The following INTS8 variants were observed in gnomAD, a reference collection of about 807,000 sequenced individuals.
The protein encoded by INTS8 is protein kaonashi-1.
In INTS8, 47 loss-of-function variants were observed where a neutral mutation model predicts 138.9. The observed-to-expected ratio is 0.34, with a 90% CI of 0.27 to 0.43. The LOEUF (loss-of-function observed/expected upper bound fraction) is 0.43, where lower values mean the gene tolerates loss of function less well. INTS8 is among the 20% of genes least tolerant of loss of function. INTS8 has a pLI of 1.00. For missense variants in INTS8, 996 were observed against 1,173.0 expected (o/e 0.85, Z 2.20); for synonymous variants, 392 against 400.9 (o/e 0.98, Z 0.27).
rs1038924226 is a variant in INTS8 at position 94,838,552 on chromosome 8, T to C, written c.951T>C (p.Asp317=). The C allele has an allele frequency of 3.1e-6, 5 of 1,611,232 alleles. No homozygotes were observed. The highest frequency in any genetic ancestry group is 4.2e-6 in the Non-Finnish European group (5 of 1,177,412). ...QACDVLVPSS[D]STSQQLTPYS... ...GTGATGTTCTTGTACCTTCTTCTGA[T>C]AGTACATCTCAACAGTTGACTCCAT... The change falls in exon 8 of 27, where the codon GAT becomes GAC. Residue 317 remains aspartate, a synonymous_variant. Coordinates refer to ENST00000523731, the MANE Select transcript of INTS8 (RefSeq NM_017864.4).
At chr8:94,853,972 G>A (rs1157690120) in intron 14 of INTS8, 57 bp downstream of exon 14, 10 of 1,088,774 alleles carry the variant, frequency 9.2e-6, no homozygotes, top group African/African-American at 4.6e-5. Context: ...GTCAGGTGCC[G>A]TGGCTCATAC....
At position 94,838,495 on chromosome 8, in the gene INTS8, T is replaced by C. The variant is rs770533677; in HGVS notation, c.894T>C (p.Asp298=). 6.2e-6 allele frequency: 10 copies of C among 1,613,168 alleles called. No individual in the cohort carries two copies. In the Admixed American group the frequency reaches 1.5e-4, roughly 24 times the overall value. ...IGSLSLHCTI[D]EKRLAGYCQA... Reference sequence around the variant, plus strand: ...CATTATCTCTTCATTGTACCATAGATGAGAAGCGGTTAGCTGGCTATTGTC... The same window carrying C: ...CATTATCTCTTCATTGTACCATAGACGAGAAGCGGTTAGCTGGCTATTGTC... Residue 298 remains aspartate, a synonymous_variant, in exon 8 of 27, where the codon GAT becomes GAC. Transcript: ENST00000523731.
chr8:94,865,806 T>TA, intron 17 of INTS8, 116 bp downstream of exon 17: 1 of 989,012 alleles, frequency 1.0e-6, no homozygotes, highest in South Asian at 1.7e-5. Context: ...CTGTATATCA[T>TA]AAAGTTGGAC....
chr8:94,842,317 CATT>C, intron 9 of INTS8, 27 bp from the exon 10 acceptor site: 1 of 1,443,544 alleles, frequency 6.9e-7, no homozygotes, highest in Non-Finnish European at 9.5e-7. Flanking sequence ...GTAAAAATAA[CATT>C]AGTTGATCTA....
intron 26 of INTS8, 51 bp downstream of exon 26, chr8:94,876,540 C>T (rs747709715): frequency 2.5e-6 from 3 of 1,199,184 alleles, no homozygotes; most frequent in Non-Finnish European, 3.6e-6. Flanking sequence ...GAATATTAAA[C>T]AATTGTTAAG....
chr8:94,874,007 T>C (rs1030097653), intron 22 of INTS8, among the ~76,000 whole-genome samples: 2 of 152,164 alleles, frequency 1.3e-5, no homozygotes, highest in Admixed American at 6.5e-5. Context: ...AGTGAGATGA[T>C]TACTACAGTC....
chr8:94,870,603 A>C (rs1291641282), intron 20 of INTS8, among the ~76,000 whole-genome samples: 1 of 152,212 alleles, frequency 6.6e-6, no homozygotes, highest in Non-Finnish European at 1.5e-5. Context: ...TACACTTGTA[A>C]CATTTTGTAA....
intron 16 of INTS8, among the ~76,000 whole-genome samples, chr8:94,861,778 C>G (rs186996106): frequency 6.6e-6 from 1 of 151,128 alleles, no homozygotes; most frequent in African/African-American, 2.4e-5. Context: ...TCTGAACTCC[C>G]GACCTCAGGT....
chr8:94,866,980 A>G (rs1260367129), intron 18 of INTS8, 160 bp from the exon 19 acceptor site: 2 of 577,820 alleles, frequency 3.5e-6, no homozygotes, highest in Admixed American at 7.1e-5. Context: ...ATGCGATTAA[A>G]AAGTTGATTT....
At position 94,853,948 on chromosome 8, in the gene INTS8, G is replaced by C. The variant is rs770038871; in HGVS notation, c.1752+33G>C. On this transcript the variant is annotated intron_variant, in intron 14 of 26. Transcript: ENST00000523731. ...AAAGTGTGTATCAAACACTTGTTAA[G>C]AATATGCTTTATGGTCAGGTGCCGT... The C allele has an allele frequency of 6.2e-6, 8 of 1,293,210 alleles. No individual in the cohort carries two copies. The African/African-American group carries it at 1.2e-4, about 19-fold the overall frequency. 80.1% of individuals were successfully genotyped at this position (1,293,210 alleles called of 1,614,324 possible). A position where few individuals can be genotyped will look rare whatever the true frequency, so the allele number is the denominator to read the frequency against.
intron 16 of INTS8, among the ~76,000 whole-genome samples, chr8:94,861,256 ATTTTTTTTTTTT>A (rs1210530804): frequency 1.7e-5 from 1 of 57,376 alleles, no homozygotes; most frequent in Middle Eastern, 0.024. Context: ...CCTTTTTGTA[ATTTTTTTTTTTT>A]TTTTTTTTTT....
chr8:94,870,057 A>G (rs186722351), intron 20 of INTS8, among the ~76,000 whole-genome samples: 2 of 147,432 alleles, frequency 1.4e-5, no homozygotes, highest in East Asian at 4.0e-4. Context: ...TTATTTATTT[A>G]TTTTTTTTTT....
At position 94,838,479 on chromosome 8, in the gene INTS8, T is replaced by C; in HGVS notation, c.878T>C (p.Leu293Pro). 6.2e-7 allele frequency: 1 copy of C among 1,612,938 alleles called. No homozygotes were observed. The highest frequency in any genetic ancestry group is 8.5e-7 in the Non-Finnish European group (1 of 1,178,946). ...ELIAEIGSLSLHCTIDEKRLA... is the reference protein window; with the variant it reads ...ELIAEIGSLSPHCTIDEKRLA... ...ACTTTACAGATAGGTTCATTATCTC[T>C]TCATTGTACCATAGATGAGAAGCGG... Residue 293 changes from leucine (L) to proline (P), a missense_variant, in exon 8 of 27, where the codon CTT becomes CCT. By Grantham distance (98) the Leu-to-Pro change is moderately conservative (BLOSUM62 -3). Transcript: ENST00000523731.
chr8:94,843,524 G>T (rs1050378785), intron 10 of INTS8, among the ~76,000 whole-genome samples: 1 of 151,746 alleles, frequency 6.6e-6, no homozygotes, highest in South Asian at 2.1e-4. Context: ...TGGAGATTAC[G>T]CCACTGCACT....
At chr8:94,837,622 C>T (rs998346039) in intron 7 of INTS8, among the ~76,000 whole-genome samples, 1 of 151,658 alleles carries the variant, frequency 6.6e-6, no homozygotes, top group Admixed American at 6.6e-5. Flanking sequence ...GATGATTATG[C>T]TCTTTGCTCG....
At chr8:94,860,304 G>A (rs536725457) in intron 16 of INTS8, 11 of 151,198 alleles carry the variant, frequency 7.3e-5, no homozygotes, top group African/African-American at 2.7e-4. Context: ...AAAGTAGGCT[G>A]GGCGTGGTGG....
intron 10 of INTS8, among the ~76,000 whole-genome samples, chr8:94,844,038 T>TC (rs1815238719): frequency 1.3e-5 from 2 of 150,944 alleles, no homozygotes; most frequent in African/African-American, 2.4e-5. Flanking sequence ...TTTTTTTTTT[T>TC]ATTTTTTTAT....
chr8:94,869,024 C>T (rs1374084535), intron 20 of INTS8, among the ~76,000 whole-genome samples: 8 of 149,034 alleles, frequency 5.4e-5, no homozygotes, highest in Non-Finnish European at 1.2e-4. Context: ...CTTTTGTTGC[C>T]CAGGCTGGAG....
rs200057575 is a variant in INTS8, at chr8:94,865,530, T to C, written c.2101T>C (p.Cys701Arg). The C allele has an allele frequency of 2.2e-5, 35 of 1,613,894 alleles. No individual in the cohort carries two copies. The highest frequency in any genetic ancestry group is 2.2e-5 in the East Asian group (1 of 44,878). ...GCTTGGACAGCTTTTAGCAGCTACA[T>C]GCAAAGAACTTCCAGGCCCTAAAGA... Reference protein sequence around the residue: ...VKLGQLLAATCKELPGPKESR... With the variant: ...VKLGQLLAATRKELPGPKESR... The change falls in exon 17 of 27, where the codon TGC becomes CGC. Residue 701 changes from cysteine to arginine, a missense_variant. Coordinates refer to ENST00000523731, the MANE Select transcript of INTS8 (RefSeq NM_017864.4).
Sources: gnomAD v4.1 joint callset for allele counts (sites outside exome capture counted in the v4.1 genomes callset) on GRCh38, gnomAD v4.1.1 for gene constraint, MANE v1.5 for transcripts, NCBI Gene and HGNC (gene_info 2026-07-23, HGNC 2026-07-21) for gene names.